MELTF: variants seen among roughly 807,000 people sequenced by gnomAD.
MELTF encodes melanotransferrin, also known as antigen p97 (melanoma associated) identified by monoclonal antibodies 133.2 and 96.5.
MELTF carries 67 observed loss-of-function variants against 83.7 expected under a neutral mutation model. The observed-to-expected ratio is 0.80, with a 90% CI of 0.66 to 0.98. The LOEUF (loss-of-function observed/expected upper bound fraction) is 0.98, where lower values mean the gene tolerates loss of function less well. MELTF is among the 50% of genes least tolerant of loss of function. The pLI, the probability that MELTF is intolerant of heterozygous loss-of-function variation, is 0.00. For missense variants in MELTF, 1,002 were observed against 1,035.6 expected (o/e 0.97, Z 0.44); for synonymous variants, 462 against 447.6 (o/e 1.03, Z -0.41).
At chr3:197,004,783 G>A (rs1472625403) in intron 14 of MELTF, 1 of 152,330 alleles carries the variant, frequency 6.6e-6, no homozygotes, top group Non-Finnish European at 1.5e-5. Context: ...GATCAAGGAG[G>A]AACGAAGGAG....
In MELTF at chr3:197,003,251, A is replaced by C; in HGVS notation, c.*121T>G. The C allele has an allele frequency of 3.0e-6, 3 of 992,506 alleles. No homozygotes were observed. The highest frequency in any genetic ancestry group is 3.6e-6 in the Non-Finnish European group (3 of 830,226). 61.5% of individuals were successfully genotyped at this position (992,506 alleles called of 1,614,324 possible). On this transcript the variant is annotated 3_prime_UTR_variant, in exon 16 of 16. Coordinates refer to ENST00000296350, the MANE Select transcript of MELTF (RefSeq NM_005929.6). The surrounding 1 kb of genome is among the most constrained non-coding windows in gnomAD (Gnocchi z 6.2). ...CCCGTGGGCGGCGGGGCTCCCGGGG[A>C]GGCGCCTGCTCCCGCCCACGCCGGG...
intron 9 of MELTF, among the ~76,000 whole-genome samples, chr3:197,014,531 CTG>C (rs1356197084): frequency 6.6e-6 from 1 of 151,810 alleles, no homozygotes; most frequent in Admixed American, 6.6e-5. Context: ...GGGATTACAA[CTG>C]TGTGCCACCA....
In MELTF at chr3:197,021,474, G is replaced by A. The variant is rs1222266421; in HGVS notation, c.645-3C>T. On this transcript the variant is annotated splice_region_variant and splice_polypyrimidine_tract_variant and intron_variant, in intron 5 of 15. Transcript: ENST00000296350. ...CCCCTGCCCCTTCCGCCAGGCACCT[G>A]CGGAGGAGAAGCTGTGGGTCTGGAT... The A allele has an allele frequency of 1.2e-6, 2 of 1,613,494 alleles. No individual in the cohort carries two copies. Among genetic ancestry groups the A allele is most frequent in the Admixed American group, 1.7e-5 (1 of 60,026 alleles).
At position 197,006,417 on chromosome 3, in the gene MELTF, T is replaced by G. The variant is rs944655299; in HGVS notation, c.1938+132A>C. 6.5e-6 allele frequency: 5 copies of G among 770,732 alleles called. No homozygotes were observed. The highest frequency in any genetic ancestry group is 6.8e-5 in the Admixed American group (2 of 29,466). 47.7% of individuals were successfully genotyped at this position (770,732 alleles called of 1,614,324 possible). On this transcript the variant is annotated intron_variant, in intron 14 of 15. Transcript: ENST00000296350. This position sits in a 1 kb window ranked among gnomAD's most constrained non-coding sequence, Gnocchi z 5.4. Reference sequence around the variant, plus strand: ...TTCTGGAGGGATGTCCTTGCGTAAGTGAAAATCACAGAATTTCCCCCGGGC... The same window carrying G: ...TTCTGGAGGGATGTCCTTGCGTAAGGGAAAATCACAGAATTTCCCCCGGGC...
rs2148584832 is a variant in MELTF at position 197,016,285 on chromosome 3, T to C, written c.985A>G (p.Thr329Ala). 6.2e-7 allele frequency: 1 copy of C among 1,613,160 alleles called. No individual in the cohort carries two copies. The highest frequency in any genetic ancestry group is 1.3e-5 in the African/African-American group (1 of 74,970). ...GTGGCGATGGGCACAAGCTCCGAGG[T>C]AGAGTCTTTGAAGAGTAGATCCTTC... The part of the protein sequence containing the change: ...GQKDLLFKDS[T>A]SELVPIATQT... Residue 329 changes from threonine to alanine, a missense_variant, in exon 8 of 16, where the codon ACC becomes GCC. Transcript: ENST00000296350.
rs1719921569 is a variant in MELTF at position 197,027,813 on chromosome 3, C to A, written c.147G>T (p.Gln49His). 1 of 1,611,080 alleles carries A rather than the reference C, an allele frequency of 6.2e-7. No individual in the cohort carries two copies. Among genetic ancestry groups the A allele is most frequent in the Admixed American group, 1.7e-5 (1 of 59,832 alleles). The part of the protein sequence containing the change: ...MSEAFREAGI[Q>H]PSLLCVRGTS... ...TGCCCCGGACGCAGAGGAGGGAGGG[C>A]TGGATGCCCGCTTCCCGGAAGGCCT... Residue 49 changes from glutamine to histidine, a missense_variant, in exon 2 of 16, where the codon CAG becomes CAT. By Grantham distance (24) the Gln-to-His change is conservative. Coordinates refer to ENST00000296350, the MANE Select transcript of MELTF (RefSeq NM_005929.6).
chr3:197,018,829 T>C (rs775929048), intron 6 of MELTF: 81 of 682,420 alleles, frequency 1.2e-4, no homozygotes, highest in Non-Finnish European at 1.4e-4. Flanking sequence ...TTCCACAGTA[T>C]TGGAAACTTT....
At position 197,021,469 on chromosome 3, in the gene MELTF, C is replaced by G. The variant is rs770739170; in HGVS notation, c.647G>C (p.Cys216Ser). 6.2e-7 allele frequency: 1 copy of G among 1,613,752 alleles called. No individual in the cohort carries two copies. Among genetic ancestry groups the G allele is most frequent in the South Asian group, 1.1e-5 (1 of 91,076 alleles). Reference protein sequence around the residue: ...RYYDYSGAFRCLAEGAGDVAF... With the variant: ...RYYDYSGAFRSLAEGAGDVAF... Reference sequence around the variant, plus strand: ...CACGTCCCCTGCCCCTTCCGCCAGGCACCTGCGGAGGAGAAGCTGTGGGTC... The same window carrying G: ...CACGTCCCCTGCCCCTTCCGCCAGGGACCTGCGGAGGAGAAGCTGTGGGTC... The change falls in exon 6 of 16, where the codon TGC (cysteine) becomes TCC (serine). Residue 216 changes from cysteine to serine, a missense_variant and splice_region_variant. Coordinates refer to ENST00000296350, the MANE Select transcript of MELTF (RefSeq NM_005929.6).
At position 197,008,864 on chromosome 3, in the gene MELTF, T is replaced by C. The variant is rs1719074511; in HGVS notation, c.1627A>G (p.Asn543Asp). ...ALCVGDEQGR[N>D]KCVGNSQERY... ...TCCTGGCTGTTGCCCACACACTTGT[T>C]GCGGCCCTGCTCGTCCCCCACGCAC... The change falls in exon 12 of 16, where the codon AAC becomes GAC. Residue 543 changes from asparagine (N) to aspartate (D), a missense_variant. By Grantham distance (23) the Asn-to-Asp change is conservative (BLOSUM62 1). Transcript: ENST00000296350. This position sits in a 1 kb window ranked among gnomAD's most constrained non-coding sequence, Gnocchi z 5.4. 6.2e-7 allele frequency: 1 copy of C among 1,614,058 alleles called. No individual in the cohort carries two copies. The highest frequency in any genetic ancestry group is 8.5e-7 in the Non-Finnish European group (1 of 1,180,028).
chr3:197,022,055 G>C lies in MELTF; in HGVS notation c.645-584C>G, dbSNP rs1719644801. On this transcript the variant is annotated intron_variant, in intron 5 of 15. Transcript: ENST00000296350. The surrounding 1 kb of genome is among the most constrained non-coding windows in gnomAD (Gnocchi z 5.1). ...TGTTTTGAAGAGCATTCTACCCTGA[G>C]GCAGGGGATTGGACTAGAAGGCCTT... Among the ~76,000 whole-genome samples, 1 of 152,176 alleles carries C rather than the reference G, an allele frequency of 6.6e-6. No individual in the cohort carries two copies. The highest frequency in any genetic ancestry group is 6.5e-5 in the Admixed American group (1 of 15,278).
intron 6 of MELTF, chr3:197,019,284 T>C: frequency 9.6e-7 from 1 of 1,045,152 alleles, no homozygotes; most frequent in Admixed American, 4.9e-5. Flanking sequence ...ATCATTTAGG[T>C]GCTTCCATCA....
In MELTF at chr3:197,026,644, C is replaced by A; in HGVS notation, c.304+16G>T. 1 of 1,609,318 alleles carries A rather than the reference C, an allele frequency of 6.2e-7. No individual in the cohort carries two copies. Among genetic ancestry groups the A allele is most frequent in the Non-Finnish European group, 8.5e-7 (1 of 1,177,368 alleles). On this transcript the variant is annotated intron_variant, in intron 3 of 15. Coordinates refer to ENST00000296350, the MANE Select transcript of MELTF (RefSeq NM_005929.6). The stretch of plus-strand genomic sequence containing the variant: ...CAGCGCAGGCTGTCCTCTCTCCTCC[C>A]ACTGCACCCTCTTACCTTGATCGTA...
At chr3:197,019,624 C>T in intron 6 of MELTF, 3 of 1,609,674 alleles carry the variant, frequency 1.9e-6, no homozygotes, top group South Asian at 1.1e-5. Flanking sequence ...CATATCCCTA[C>T]TCTTTGCCCG....
At chr3:197,018,187 G>A (rs562833605) in intron 6 of MELTF, among the ~76,000 whole-genome samples, 3 of 151,880 alleles carry the variant, frequency 2.0e-5, no homozygotes, top group Non-Finnish European at 4.4e-5. Flanking sequence ...TGGCCCTTTC[G>A]CCCAGGCTGG....
intron 9 of MELTF, among the ~76,000 whole-genome samples, chr3:197,015,106 A>G: frequency 6.6e-6 from 1 of 152,160 alleles, no homozygotes; most frequent in African/African-American, 2.4e-5. Context: ...AGGAGCTCCC[A>G]GGCTCTCCAG....
chr3:197,026,364 C>A, intron 3 of MELTF: 1 of 387,690 alleles, frequency 2.6e-6, no homozygotes, highest in South Asian at 3.7e-5. Context: ...GCACACAGCA[C>A]CGTGCCCGGC....
Position 197,026,718 on chromosome 3 carries a change from G to C in MELTF, c.246C>G (p.Ile82Met). Reference protein sequence around the residue: ...ADAITLDGGAIYEAGKEHGLK... With the variant: ...ADAITLDGGAMYEAGKEHGLK... ...GGCCGTGCTCCTTTCCCGCCTCATA[G>C]ATGGCTCCTCCATCCAGAGTGATGG... The change falls in exon 3 of 16, where the codon ATC (isoleucine) becomes ATG (methionine). Residue 82 changes from isoleucine (I) to methionine (M), a missense_variant. Transcript: ENST00000296350. 1 of 1,613,416 alleles carries C rather than the reference G, an allele frequency of 6.2e-7. No homozygotes were observed. Among genetic ancestry groups the C allele is most frequent in the South Asian group, 1.1e-5 (1 of 91,090 alleles).
intron 14 of MELTF, 56 bp from the exon 15 acceptor site, chr3:197,004,155 C>T (rs1380715993): frequency 4.6e-6 from 7 of 1,523,750 alleles, no homozygotes; most frequent in Middle Eastern, 1.7e-4. Flanking sequence ...CAGGGTCACC[C>T]GCCCAGTGCC....
Position 197,003,245 on chromosome 3 carries a change from C to G in MELTF, c.*127G>C. 1 of 994,808 alleles carries G rather than the reference C, an allele frequency of 1.0e-6. No individual in the cohort carries two copies. Among genetic ancestry groups the G allele is most frequent in the Non-Finnish European group, 1.2e-6 (1 of 831,334 alleles). 61.6% of individuals were successfully genotyped at this position (994,808 alleles called of 1,614,324 possible). On this transcript the variant is annotated 3_prime_UTR_variant, in exon 16 of 16. Coordinates refer to ENST00000296350, the MANE Select transcript of MELTF (RefSeq NM_005929.6). This position sits in a 1 kb window ranked among gnomAD's most constrained non-coding sequence, Gnocchi z 6.2. ...GTGGCGCCCGTGGGCGGCGGGGCTC[C>G]CGGGGAGGCGCCTGCTCCCGCCCAC...
Sources: allele counts gnomAD v4.1 joint callset (sites outside exome capture counted in the v4.1 genomes callset), GRCh38; gene constraint gnomAD v4.1.1; non-coding constraint Gnocchi (gnomAD v3.1); transcripts MANE v1.5; gene names NCBI Gene and HGNC (gene_info 2026-07-23, HGNC 2026-07-21).